Variants in ELL observed in about 807,000 individuals in gnomAD.
ELL encodes elongation factor for RNA polymerase II.
A neutral mutation model predicts 64.0 loss-of-function variants in ELL; 18 were observed. The observed-to-expected ratio is 0.28, with a 90% confidence interval of 0.19 to 0.42. The LOEUF is 0.42. ELL is among the 10% of genes least tolerant of loss of function. The probability of loss-of-function intolerance (pLI) is 1.00; values close to 1 mark genes in which losing one functional copy is unlikely to be tolerated. For missense variants in ELL, 797 were observed against 870.4 expected, an observed-to-expected ratio of 0.92 and a Z score of 1.06; for synonymous variants, 399 against 376.2, an observed-to-expected ratio of 1.06 and a Z score of -0.70.
intron 2 of ELL, chr19:18,471,080 G>GA (rs754945872): frequency 0.065 from 19,563 of 300,516 alleles, 10 homozygotes; most frequent in South Asian, 0.095. Context: ...AACTCTAAAA[G>GA]AAAAAAAAAA....
intron 1 of ELL, among the ~76,000 whole-genome samples, chr19:18,510,280 G>A (rs542483946): frequency 8.5e-5 from 13 of 152,368 alleles, no homozygotes; most frequent in African/African-American, 3.1e-4. Flanking sequence ...TGAGGCACGA[G>A]AATTGCTTGA....
intron 4 of ELL, among the ~76,000 whole-genome samples, chr19:18,464,382 A>G (rs1788911441): frequency 6.6e-6 from 1 of 152,178 alleles, no homozygotes; most frequent in South Asian, 2.1e-4. Context: ...AAGAAAAAAC[A>G]AAAAACAAAA....
intron 1 of ELL, among the ~76,000 whole-genome samples, chr19:18,488,380 A>G (rs1975460580): frequency 6.6e-6 from 1 of 152,232 alleles, no homozygotes; most frequent in Admixed American, 6.5e-5. Flanking sequence ...CACAGCAGGA[A>G]GCACGTGGCA....
rs143880441 is a variant in ELL, at chr19:18,486,216, T to C, written c.136-13334A>G. 6.0e-3 allele frequency among the ~76,000 whole-genome samples: 906 copies of C among 152,128 alleles called. 9 individuals are homozygous for C. The highest frequency in any genetic ancestry group is 0.021 in the African/African-American group (867 of 41,486). ...CCTGGGAAGGAATCTGGGGAGGGGC[T>C]TCTGTGTGAAGCTTAGCTCAGGGCC... is the stretch of plus-strand genomic sequence containing the variant. On this transcript the variant is annotated intron_variant, in intron 1 of 11. Transcript: ENST00000262809.
At chr19:18,471,084 A>G (rs1201787253) in intron 2 of ELL, 1 of 424,870 alleles carries the variant, frequency 2.4e-6, no homozygotes, top group Non-Finnish European at 4.6e-6. Context: ...CTAAAAGAAA[A>G]AAAAAAAGTT....
In ELL at chr19:18,446,301, G is replaced by T; in HGVS notation, c.1704+8C>A. The T allele has an allele frequency of 1.3e-6, 2 of 1,566,662 alleles. No homozygotes were observed. The highest frequency in any genetic ancestry group is 1.7e-6 in the Non-Finnish European group (2 of 1,159,578). ...GCCAGGGCACAGTAGGCAGCGGGGGGGCTCTACCTCATACTCCTCGGAGCC... is the reference window on the plus strand; with the variant it reads ...GCCAGGGCACAGTAGGCAGCGGGGGTGCTCTACCTCATACTCCTCGGAGCC... On this transcript the variant is annotated splice_region_variant and intron_variant, in intron 10 of 11. Transcript: ENST00000262809.
intron 1 of ELL, among the ~76,000 whole-genome samples, chr19:18,492,019 AC>A (rs1318801866): frequency 6.6e-6 from 1 of 152,176 alleles, no homozygotes; most frequent in Non-Finnish European, 1.5e-5. Flanking sequence ...CTCACAGGCT[AC>A]CTTTTGCAAA....
chr19:18,455,836 C>T (rs758342492), intron 6 of ELL, among the ~76,000 whole-genome samples: 12 of 152,162 alleles, frequency 7.9e-5, no homozygotes, highest in Non-Finnish European at 1.5e-4. Context: ...CGGTGGCTCA[C>T]GCCTGTAATC....
intron 7 of ELL, 143 bp from the exon 8 acceptor site, chr19:18,451,118 TC>T: frequency 8.3e-7 from 1 of 1,207,446 alleles, no homozygotes; most frequent in Non-Finnish European, 1.1e-6. Flanking sequence ...CCAAGTCAGG[TC>T]CCAGGTGCCG....
intron 1 of ELL, among the ~76,000 whole-genome samples, chr19:18,494,734 C>G (rs1050574110): frequency 6.6e-6 from 1 of 152,168 alleles, no homozygotes; most frequent in Non-Finnish European, 1.5e-5. Context: ...CTCCCCTCCC[C>G]CTCCCCACCT....
At chr19:18,502,374 G>A (rs900730623) in intron 1 of ELL, among the ~76,000 whole-genome samples, 2 of 152,134 alleles carry the variant, frequency 1.3e-5, no homozygotes. Flanking sequence ...AGGCCAGGAG[G>A]GGAGGGAGGT....
At chr19:18,451,025 A>G in intron 7 of ELL, 50 bp from the exon 8 acceptor site, 9 of 1,477,500 alleles carry the variant, frequency 6.1e-6, no homozygotes, top group Non-Finnish European at 7.2e-6. Context: ...GTGGCTGAGC[A>G]GCAACAGGCA....
intron 1 of ELL, among the ~76,000 whole-genome samples, chr19:18,480,353 G>T (rs1975273353): frequency 6.6e-6 from 1 of 152,240 alleles, no homozygotes. Context: ...CTGTCTCCGT[G>T]AACTACAAAA....
At chr19:18,469,326 G>A (rs1168577679) in intron 2 of ELL, among the ~76,000 whole-genome samples, 1 of 152,226 alleles carries the variant, frequency 6.6e-6, no homozygotes, top group East Asian at 1.9e-4. Context: ...TGATTAACGG[G>A]CTGTTTTGCT....
At chr19:18,483,627 C>T (rs1178446230) in intron 1 of ELL, among the ~76,000 whole-genome samples, 1 of 152,218 alleles carries the variant, frequency 6.6e-6, no homozygotes, top group Non-Finnish European at 1.5e-5. Context: ...GAGGTCACAG[C>T]AGACCTCATC....
At chr19:18,503,484 TG>T (rs1393785743) in intron 1 of ELL, among the ~76,000 whole-genome samples, 1 of 151,924 alleles carries the variant, frequency 6.6e-6, no homozygotes, top group African/African-American at 2.4e-5. Flanking sequence ...TTGGAGGTGA[TG>T]GAACAGACAG....
intron 1 of ELL, among the ~76,000 whole-genome samples, chr19:18,497,561 T>C (rs1975683569): frequency 6.6e-6 from 1 of 152,148 alleles, no homozygotes; most frequent in Non-Finnish European, 1.5e-5. Context: ...GGCTCACACC[T>C]GTAATCCCAG....
chr19:18,521,276 A>G (rs865832071), intron 1 of ELL, among the ~76,000 whole-genome samples: 1 of 152,094 alleles, frequency 6.6e-6, no homozygotes, highest in South Asian at 2.1e-4. Context: ...GAAAGCTGGG[A>G]CAAGCTGTCA....
chr19:18,443,261 G>A lies in ELL; in HGVS notation c.*1491C>T, dbSNP rs2144878907. ...TGAAACATGAAGGATCAGTTTCCTCGGAGCTCTGGGAACCCGGGGGTCCCA... is the reference window on the plus strand; with the variant it reads ...TGAAACATGAAGGATCAGTTTCCTCAGAGCTCTGGGAACCCGGGGGTCCCA... On this transcript the variant is annotated 3_prime_UTR_variant, in exon 12 of 12. Coordinates refer to ENST00000262809, the MANE Select transcript of ELL (RefSeq NM_006532.4). The A allele has an allele frequency of 8.6e-6, 2 of 232,930 alleles. No homozygotes were observed. The highest frequency in any genetic ancestry group is 1.3e-3 in the Middle Eastern group (1 of 784). 14.4% of individuals were successfully genotyped at this position (232,930 alleles called of 1,614,324 possible).
Sources: allele counts gnomAD v4.1 joint callset (sites outside exome capture counted in the v4.1 genomes callset), GRCh38; gene constraint gnomAD v4.1.1; transcripts MANE v1.5; gene names NCBI Gene and HGNC (gene_info 2026-07-23, HGNC 2026-07-21).